Variants in CCDC181 observed in about 807,000 individuals in gnomAD.
CCDC181 encodes the protein coiled-coil domain containing 181, also known as coiled-coil domain-containing protein 181.
Under a neutral mutation model 58.7 loss-of-function variants are expected in CCDC181, and 35 were observed. The observed-to-expected ratio is 0.60, with a 90% CI of 0.46 to 0.79. CCDC181 has a LOEUF of 0.79. Among genes scored for constraint, CCDC181 ranks in the 30% least tolerant of loss-of-function variants. The pLI is 0.00. For synonymous variants in CCDC181, 183 were observed against 197.5 expected (o/e 0.93, Z 0.62); for missense variants, 517 against 583.9 (o/e 0.89, Z 1.18).
At position 169,422,296 on chromosome 1, in the gene CCDC181, T is replaced by A. The variant is rs1195594667; in HGVS notation, c.135A>T (p.Glu45Asp). ...ASIIEMACEK[E>D]ENINQDLKEN... ...CTTTTAAGTCTTGGTTAATATTCTC[T>A]TCCTTCTCACAAGCCATCTAAAAAC... is the stretch of plus-strand genomic sequence containing the variant. The change falls in exon 3 of 6, where the codon GAA (glutamate) becomes GAT (aspartate). Residue 45 changes from glutamate (E) to aspartate (D), a missense_variant. By Grantham distance (45) the Glu-to-Asp change is conservative. Coordinates refer to ENST00000367806, the MANE Select transcript of CCDC181 (RefSeq NM_001300969.2). 6.4e-7 allele frequency: 1 copy of A among 1,558,372 alleles called. No individual in the cohort carries two copies. Among genetic ancestry groups the A allele is most frequent in the South Asian group, 1.2e-5 (1 of 82,936 alleles).
rs147108269 is a variant in CCDC181 at position 169,446,215 on chromosome 1, G to A, written c.-24+13582C>T. Among the ~76,000 whole-genome samples, 768 of 152,262 alleles carry A rather than the reference G, an allele frequency of 5.0e-3. 3 individuals are homozygous for A. The highest frequency in any genetic ancestry group is 8.1e-3 in the Non-Finnish European group (550 of 68,030). ...AATCCCAGCACTTTGGGAGGCCGAG[G>A]CAGGCGGACCATGAGGTCAAGAGAT... On this transcript the variant is annotated intron_variant, in intron 2 of 6. Transcript: ENST00000545005.
rs189619783 is a variant in CCDC181, at chr1:169,459,890, G to C, written c.-91-26C>G. 4.9e-4 allele frequency: 50 copies of C among 102,658 alleles called. 1 individual carries two copies. Among genetic ancestry groups the C allele is most frequent in the African/African-American group, 1.7e-3 (44 of 25,778 alleles). 6.4% of individuals were successfully genotyped at this position (102,658 alleles called of 1,614,324 possible). On this transcript the variant is annotated intron_variant, in intron 1 of 6. Transcript: ENST00000545005. ...CTGTGGGGAATAATGGTCAAGTTAC[G>C]CAGTTTGAAATTAGGAAAAAAAAAA...
chr1:169,431,434 T>C (rs546028693), upstream of CCDC181, among the ~76,000 whole-genome samples: 124 of 152,324 alleles, frequency 8.1e-4, no homozygotes, highest in African/African-American at 2.9e-3. Context: ...TACAATGGAA[T>C]ATTATTCTGC....
upstream of CCDC181, among the ~76,000 whole-genome samples, chr1:169,431,908 C>A (rs1441804736): frequency 6.6e-6 from 1 of 152,182 alleles, no homozygotes; most frequent in Non-Finnish European, 1.5e-5. Context: ...GCTGAAGCAA[C>A]TTCCAGGGAA....
intron 2 of CCDC181, among the ~76,000 whole-genome samples, chr1:169,435,277 A>C (rs1488195040): frequency 6.6e-6 from 1 of 152,120 alleles, no homozygotes; most frequent in African/African-American, 2.4e-5. Context: ...GAATAGGTAA[A>C]TCTATAGAGA....
At chr1:169,452,023 T>C (rs1657555603) in intron 2 of CCDC181, among the ~76,000 whole-genome samples, 1 of 151,798 alleles carries the variant, frequency 6.6e-6, no homozygotes, top group African/African-American at 2.4e-5. Context: ...ACTAGATATA[T>C]ATAAATTTGA....
rs529604111 is a variant in CCDC181 at position 169,400,415 on chromosome 1, A to G, written c.1216-3024T>C. On this transcript the variant is annotated intron_variant, in intron 4 of 5. Coordinates refer to ENST00000367806, the MANE Select transcript of CCDC181 (RefSeq NM_001300969.2). ...TTCTATATTTCCTTACAACTTTTAT[A>G]TTGAAAAGATCCACAGTCTATTAAC... is the stretch of plus-strand genomic sequence containing the variant. 2.6e-5 allele frequency among the ~76,000 whole-genome samples: 4 copies of G among 152,310 alleles called. No individual in the cohort carries two copies. In the South Asian group the frequency reaches 8.3e-4, roughly 32 times the overall value.
intron 4 of CCDC181, among the ~76,000 whole-genome samples, chr1:169,402,950 G>A (rs1016298117): frequency 6.6e-6 from 1 of 151,174 alleles, no homozygotes; most frequent in African/African-American, 2.4e-5. Flanking sequence ...TAAAGGGAAG[G>A]AGGAAGATCT....
intron 4 of CCDC181, among the ~76,000 whole-genome samples, chr1:169,400,595 TAA>T (rs975079370): frequency 6.6e-6 from 1 of 151,162 alleles, no homozygotes; most frequent in African/African-American, 2.4e-5. Flanking sequence ...AAGATGAATA[TAA>T]AAAAGGTCTA....
chr1:169,417,996 T>G (rs1656288070), intron 4 of CCDC181, among the ~76,000 whole-genome samples: 1 of 152,148 alleles, frequency 6.6e-6, no homozygotes, highest in Admixed American at 6.5e-5. Flanking sequence ...ACATACAGTG[T>G]TAGTCATTCA....
rs1176231730 is a variant in CCDC181, at chr1:169,394,938, G to C, written c.*109C>G. On this transcript the variant is annotated 3_prime_UTR_variant, in exon 6 of 6. Transcript: ENST00000367806. ...AAAAACAAATTCACTGTCAATAAAAGATAAATACCATTTCCATAATTTAGA... is the reference window on the plus strand; with the variant it reads ...AAAAACAAATTCACTGTCAATAAAACATAAATACCATTTCCATAATTTAGA... 9.8e-7 allele frequency: 1 copy of C among 1,022,812 alleles called. No individual in the cohort carries two copies. The highest frequency in any genetic ancestry group is 1.6e-5 in the African/African-American group (1 of 60,776). 63.4% of individuals were successfully genotyped at this position (1,022,812 alleles called of 1,614,324 possible). A position where few individuals can be genotyped will look rare whatever the true frequency, so the allele number is the denominator to read the frequency against.
chr1:169,430,476 T>C (rs1295166587), upstream of CCDC181, among the ~76,000 whole-genome samples: 1 of 152,130 alleles, frequency 6.6e-6, no homozygotes, highest in Admixed American at 6.5e-5. Flanking sequence ...TTCATCAGTG[T>C]TTTTTAGTTT....
intron 2 of CCDC181, among the ~76,000 whole-genome samples, chr1:169,452,932 T>C (rs1657581544): frequency 6.6e-6 from 1 of 152,076 alleles, no homozygotes; most frequent in Non-Finnish European, 1.5e-5. Context: ...TCTAAAGCAC[T>C]ATGAAAAGTA....
chr1:169,460,120 C>T (rs1258230517), intron 1 of CCDC181: 1 of 152,006 alleles, frequency 6.6e-6, no homozygotes, highest in Non-Finnish European at 1.5e-5. Context: ...GGTTGTTACC[C>T]CCTTTTATTT....
At chr1:169,447,491 A>G (rs2101753605) in intron 2 of CCDC181, among the ~76,000 whole-genome samples, 1 of 152,296 alleles carries the variant, frequency 6.6e-6, no homozygotes, top group Admixed American at 6.5e-5. Flanking sequence ...AAGAATGTGT[A>G]TTCTGCCATT....
intron 2 of CCDC181, among the ~76,000 whole-genome samples, chr1:169,437,712 G>A (rs568111295): frequency 1.9e-4 from 29 of 152,276 alleles, no homozygotes; most frequent in African/African-American, 6.3e-4. Context: ...AACTGTCTGA[G>A]CATACTCATG....
intron 2 of CCDC181, among the ~76,000 whole-genome samples, chr1:169,434,871 T>C (rs1040557581): frequency 6.6e-6 from 1 of 152,032 alleles, no homozygotes; most frequent in African/African-American, 2.4e-5. Context: ...ATTCCACTTA[T>C]ATAAAGTGCC....
chr1:169,454,302 C>T (rs963806306), intron 2 of CCDC181: 1 of 152,018 alleles, frequency 6.6e-6, no homozygotes, highest in Non-Finnish European at 1.5e-5. Context: ...TACTCCTACT[C>T]ATTTTCCCTC....
intron 2 of CCDC181, 135 bp downstream of exon 2, chr1:169,424,676 G>A (rs1056653663): frequency 1.2e-5 from 6 of 513,876 alleles, no homozygotes; most frequent in African/African-American, 1.9e-5. Context: ...TCTTTAAGAT[G>A]AGGATAATAG....
Sources: gnomAD v4.1 joint callset for allele counts (sites outside exome capture counted in the v4.1 genomes callset) on GRCh38, gnomAD v4.1.1 for gene constraint, MANE v1.5 for transcripts, NCBI Gene and HGNC (gene_info 2026-07-23, HGNC 2026-07-21) for gene names.